KCNQ5: variants seen among roughly 807,000 people sequenced by gnomAD.
The protein encoded by KCNQ5 is potassium voltage-gated channel subfamily KQT member 5.
KCNQ5 carries 30 observed loss-of-function variants against 98.2 expected under a neutral mutation model. The ratio of observed to expected loss-of-function variants is 0.31; its 90% confidence interval spans 0.23 to 0.41. KCNQ5 has a LOEUF of 0.41. Among genes scored for constraint, KCNQ5 ranks in the 10% least tolerant of loss-of-function variants. The pLI is 1.00. For missense variants in KCNQ5, 835 were observed against 1,182.5 expected (o/e 0.71, Z 4.31); for synonymous variants, 458 against 449.4 (o/e 1.02, Z -0.24).
At chr6:72,926,093 C>T (rs1315402254) in intron 1 of KCNQ5, among the ~76,000 whole-genome samples, 1 of 152,110 alleles carries the variant, frequency 6.6e-6, no homozygotes, top group Non-Finnish European at 1.5e-5. Context: ...TTGTTCTCCT[C>T]AACTGTCAAG....
chr6:72,679,206 A>G (rs1767567211), intron 1 of KCNQ5, among the ~76,000 whole-genome samples: 1 of 152,218 alleles, frequency 6.6e-6, no homozygotes, highest in Non-Finnish European at 1.5e-5. Context: ...TATGAAAGTC[A>G]GCCATCCCAT....
At chr6:72,634,655 T>C (rs1359564015) in intron 1 of KCNQ5, among the ~76,000 whole-genome samples, 1 of 152,084 alleles carries the variant, frequency 6.6e-6, no homozygotes, top group East Asian at 1.9e-4. Flanking sequence ...AACCTCCACC[T>C]CCCAGGTTCA....
At chr6:72,912,751 C>T (rs1173516403) in intron 1 of KCNQ5, among the ~76,000 whole-genome samples, 1 of 152,106 alleles carries the variant, frequency 6.6e-6, no homozygotes, top group Non-Finnish European at 1.5e-5. Context: ...AAAAAGTTCT[C>T]CAATGCTATC....
At chr6:73,194,342 A>G in intron 13 of KCNQ5, 110 bp from the exon 14 acceptor site, 1 of 932,504 alleles carries the variant, frequency 1.1e-6, no homozygotes, top group Non-Finnish European at 1.6e-6. Flanking sequence ...TATATTCAAT[A>G]TTTCTTTAAA....
chr6:72,879,935 A>C (rs1411044768), intron 1 of KCNQ5, among the ~76,000 whole-genome samples: 1 of 152,112 alleles, frequency 6.6e-6, no homozygotes, highest in Non-Finnish European at 1.5e-5. Context: ...CTTTTCTTCT[A>C]TCCCTGTAGC....
At chr6:72,959,852 A>G (rs1485690171) in intron 1 of KCNQ5, among the ~76,000 whole-genome samples, 1 of 152,252 alleles carries the variant, frequency 6.6e-6, no homozygotes, top group Non-Finnish European at 1.5e-5. Context: ...ATCCCAAAGC[A>G]CAGAAGTGTG....
chr6:72,737,450 A>G lies in KCNQ5; in HGVS notation c.398+114863A>G, dbSNP rs147935149. 1.4e-3 allele frequency among the ~76,000 whole-genome samples: 220 copies of G among 152,272 alleles called. 1 individual carries two copies. The highest frequency in any genetic ancestry group is 4.8e-3 in the African/African-American group (200 of 41,560). On this transcript the variant is annotated intron_variant, in intron 1 of 13. Transcript: ENST00000370398. ...CAAAGGATAAAGGTGTGTGACTTCTATCCAGAAAACACAGGTGATTTTTTT... is the reference window on the plus strand; with the variant it reads ...CAAAGGATAAAGGTGTGTGACTTCTGTCCAGAAAACACAGGTGATTTTTTT...
At chr6:72,997,963 T>C (rs770034502) in intron 1 of KCNQ5, among the ~76,000 whole-genome samples, 5 of 152,208 alleles carry the variant, frequency 3.3e-5, no homozygotes, top group Non-Finnish European at 5.9e-5. Context: ...TAATTTTTAT[T>C]GCTTTGCAGT....
chr6:73,090,560 C>G (rs1774203134), intron 5 of KCNQ5, among the ~76,000 whole-genome samples: 1 of 152,140 alleles, frequency 6.6e-6, no homozygotes, highest in South Asian at 2.1e-4. Flanking sequence ...TATTTAAGTC[C>G]TTAATCCACC....
chr6:73,064,970 AT>A (rs1268301109), intron 3 of KCNQ5, among the ~76,000 whole-genome samples: 1 of 151,714 alleles, frequency 6.6e-6, no homozygotes, highest in East Asian at 1.9e-4. Flanking sequence ...CACATCTGAA[AT>A]TAAATGTTTG....
intron 1 of KCNQ5, among the ~76,000 whole-genome samples, chr6:72,756,883 C>T (rs915427847): frequency 6.6e-6 from 1 of 152,056 alleles, no homozygotes; most frequent in Admixed American, 6.6e-5. Context: ...GCATTAAAAA[C>T]AATCATCTTT....
At chr6:73,028,160 T>C (rs1330957194) in intron 2 of KCNQ5, among the ~76,000 whole-genome samples, 2 of 152,138 alleles carry the variant, frequency 1.3e-5, no homozygotes, top group Non-Finnish European at 1.5e-5. Context: ...ACAATTCTAT[T>C]CCCTGCTTGC....
chr6:72,984,420 G>A (rs1446067942), intron 1 of KCNQ5, among the ~76,000 whole-genome samples: 1 of 152,204 alleles, frequency 6.6e-6, no homozygotes, highest in African/African-American at 2.4e-5. Flanking sequence ...AGCAATGGTG[G>A]ATGCCCCTCC....
At chr6:72,917,977 C>G (rs958031530) in intron 1 of KCNQ5, among the ~76,000 whole-genome samples, 1 of 152,184 alleles carries the variant, frequency 6.6e-6, no homozygotes, top group Non-Finnish European at 1.5e-5. Flanking sequence ...AGCATCCTTA[C>G]TGTCTGCCCA....
chr6:72,971,183 A>G (rs1050773669), intron 1 of KCNQ5, among the ~76,000 whole-genome samples: 1 of 152,250 alleles, frequency 6.6e-6, no homozygotes, highest in Non-Finnish European at 1.5e-5. Context: ...CATGTGGGTG[A>G]AGGATATGAA....
At chr6:72,696,151 G>A (rs974088766) in intron 1 of KCNQ5, among the ~76,000 whole-genome samples, 13 of 152,094 alleles carry the variant, frequency 8.5e-5, no homozygotes, top group Non-Finnish European at 1.9e-4. Context: ...TTACACATGT[G>A]CACAAAGATA....
chr6:73,148,933 G>A lies in KCNQ5; in HGVS notation c.1468+15292G>A, dbSNP rs149468962. 7.9e-5 allele frequency among the ~76,000 whole-genome samples: 12 copies of A among 152,226 alleles called. 1 individual carries two copies. The East Asian group carries it at 2.3e-3, about 29-fold the overall frequency. The stretch of plus-strand genomic sequence containing the variant: ...GAAGGGAGCAAGTAATAAACCTCAG[G>A]AAAAATAGTTTTTTGTTTTTTGTGT... On this transcript the variant is annotated intron_variant, in intron 10 of 13. Coordinates refer to ENST00000370398, the MANE Select transcript of KCNQ5 (RefSeq NM_019842.4).
intron 1 of KCNQ5, among the ~76,000 whole-genome samples, chr6:72,924,132 C>G (rs1488065469): frequency 1.3e-5 from 2 of 152,112 alleles, no homozygotes; most frequent in Non-Finnish European, 2.9e-5. Flanking sequence ...AATGTCAAAA[C>G]AAGTTTTCTT....
intron 1 of KCNQ5, among the ~76,000 whole-genome samples, chr6:72,651,270 A>G (rs1220739128): frequency 1.3e-5 from 2 of 152,084 alleles, no homozygotes; most frequent in African/African-American, 4.8e-5. Context: ...TGGTAGATAC[A>G]AAATGAAGAC....
Sources: gnomAD v4.1 joint callset for allele counts (sites outside exome capture counted in the v4.1 genomes callset) on GRCh38, gnomAD v4.1.1 for gene constraint, MANE v1.5 for transcripts, NCBI Gene and HGNC (gene_info 2026-07-23, HGNC 2026-07-21) for gene names.